The following SCO1 variants were observed in gnomAD, a reference collection of about 807,000 sequenced individuals.
SCO1 encodes cytochrome c oxidase assembly factor SCO1.
In SCO1, 23 loss-of-function variants were observed where a neutral mutation model predicts 34.0. The observed-to-expected ratio is 0.68, with a 90% CI of 0.49 to 0.96. The LOEUF (loss-of-function observed/expected upper bound fraction) is 0.96, where lower values mean the gene tolerates loss of function less well. Among genes scored for constraint, SCO1 ranks in the 40% least tolerant of loss-of-function variants. The pLI is 0.00. For synonymous variants in SCO1, 161 were observed against 145.5 expected (o/e 1.11, Z -0.77); for missense variants, 404 against 381.6 (o/e 1.06, Z -0.49).
At chr17:10,681,317 T>A (rs1000940988) in intron 5 of SCO1, 64 bp from the exon 6 acceptor site, 4 of 1,537,040 alleles carry the variant, frequency 2.6e-6, no homozygotes, top group Non-Finnish European at 3.6e-6. Flanking sequence ...TTTTACTGAA[T>A]GTATGCTGCA....
intron 4 of SCO1, among the ~76,000 whole-genome samples, chr17:10,689,355 C>G (rs2074677368): frequency 6.6e-6 from 1 of 152,062 alleles, no homozygotes; most frequent in African/African-American, 2.4e-5. Flanking sequence ...TACAGCAGAT[C>G]CTTCATAAAA....
In SCO1 at chr17:10,680,211, TG is replaced by T. The variant is rs1169670333; in HGVS notation, c.*907del. The T allele has an allele frequency of 6.6e-6, 1 of 152,376 alleles. No homozygotes were observed. Among genetic ancestry groups the T allele is most frequent in the Non-Finnish European group, 1.5e-5 (1 of 68,168 alleles). 9.4% of individuals were successfully genotyped at this position (152,376 alleles called of 1,614,324 possible). On this transcript the variant is annotated 3_prime_UTR_variant, in exon 6 of 6. Transcript: ENST00000255390. Reference sequence around the variant, plus strand: ...GATTCAGTGAATTCAGCTCTGGGTCTGGGGAACTGCACTTCAGCAAGCGTCC... The same window carrying T: ...GATTCAGTGAATTCAGCTCTGGGTCTGGGAACTGCACTTCAGCAAGCGTCC...
chr17:10,696,585 G>A (rs2151458916), intron 1 of SCO1, among the ~76,000 whole-genome samples: 1 of 152,280 alleles, frequency 6.6e-6, no homozygotes. Flanking sequence ...AAGTAGAAGA[G>A]GAATCTAAAA....
chr17:10,683,043 A>T (rs528215285), intron 5 of SCO1, among the ~76,000 whole-genome samples: 3 of 152,200 alleles, frequency 2.0e-5, no homozygotes, highest in Non-Finnish European at 4.4e-5. Context: ...TTATTTTTTG[A>T]AAAGGTAATA....
At chr17:10,696,071 TAAAAAAAAAAA>T (rs869243005) in intron 1 of SCO1, among the ~76,000 whole-genome samples, 2 of 72,996 alleles carry the variant, frequency 2.7e-5, no homozygotes, top group African/African-American at 1.1e-4. Context: ...TTCATGTAAA[TAAAAAAAAAAA>T]AAAAAAAAAA....
chr17:10,696,963 T>TTC (rs1777304938), intron 1 of SCO1, among the ~76,000 whole-genome samples: 1 of 151,976 alleles, frequency 6.6e-6, no homozygotes, highest in Admixed American at 6.5e-5. Flanking sequence ...TTTTTTTTTT[T>TTC]TTTTTGATGG....
intron 1 of SCO1, among the ~76,000 whole-genome samples, chr17:10,696,929 C>T (rs910657926): frequency 2.0e-5 from 3 of 151,594 alleles, no homozygotes; most frequent in African/African-American, 4.9e-5. Context: ...TAGGTTCATA[C>T]CCTTAAGAAA....
Position 10,697,484 on chromosome 17 carries a change from G to A in SCO1, c.24C>T (p.Pro8=), listed in dbSNP as rs1270954808. The change falls in exon 1 of 6, where the codon CCC becomes CCT. Residue 8 remains proline (P), a synonymous_variant. Coordinates refer to ENST00000255390, the MANE Select transcript of SCO1 (RefSeq NM_004589.4). The part of the protein sequence containing the change: MAMLVLV[P]GRVMRPLGGQ... ...CACCCAGAGGCCGCATAACTCGTCC[G>A]GGTACTAGGACCAGCATCGCCATGA... 3.7e-6 allele frequency: 6 copies of A among 1,613,336 alleles called. No individual in the cohort carries two copies. In the African/African-American group the frequency reaches 4.0e-5, roughly 11 times the overall value.
At position 10,697,508 on chromosome 17, in the gene SCO1, G is replaced by A. The variant is rs775416234; in HGVS notation, c.-1C>T. ...CGGGTACTAGGACCAGCATCGCCAT[G>A]AGCCTCGGAGACCGGGTCTCCTTTG... On this transcript the variant is annotated 5_prime_UTR_variant, in exon 1 of 6. Transcript: ENST00000255390. The A allele has an allele frequency of 3.7e-6, 6 of 1,613,246 alleles. No individual in the cohort carries two copies. Among genetic ancestry groups the A allele is most frequent in the Middle Eastern group, 1.6e-4 (1 of 6,062 alleles).
rs760087568 is a variant in SCO1 at position 10,697,303 on chromosome 17, T to G, written c.205A>C (p.Thr69Pro). ...GYCLGTRPLS[T>P]ARPPPPWSQK... is the part of the protein sequence containing the mutation. ...GACCACGGGGGTGGCGGCCTCGCAGTGCTGAGGGGCCGGGTTCCCAGGCAA... is the reference window on the plus strand; with the variant it reads ...GACCACGGGGGTGGCGGCCTCGCAGGGCTGAGGGGCCGGGTTCCCAGGCAA... The change falls in exon 1 of 6, where the codon ACT (threonine) becomes CCT (proline). Residue 69 changes from threonine (T) to proline (P), a missense_variant. By Grantham distance (38) the Thr-to-Pro change is conservative. Transcript: ENST00000255390. The G allele has an allele frequency of 2.2e-5, 34 of 1,567,310 alleles. No individual in the cohort carries two copies. Among genetic ancestry groups the G allele is most frequent in the Non-Finnish European group, 2.9e-5 (33 of 1,156,930 alleles).
chr17:10,674,512 AC>A lies in SCO1; in HGVS notation c.*6606del. The A allele has an allele frequency of 4.1e-6, 1 of 241,306 alleles. No individual in the cohort carries two copies. Among genetic ancestry groups the A allele is most frequent in the South Asian group, 4.3e-5 (1 of 23,342 alleles). 14.9% of individuals were successfully genotyped at this position (241,306 alleles called of 1,614,324 possible). The stretch of plus-strand genomic sequence containing the variant: ...CTGAGAAGCTGCATTTCTGCTAAGT[AC>A]CCCAGTGGTGTGACACTGCCGGACC... On this transcript the variant is annotated 3_prime_UTR_variant, in exon 6 of 6. Transcript: ENST00000255390.
chr17:10,693,000 T>A (rs199919833), intron 2 of SCO1, 39 bp from the exon 3 acceptor site: 1 of 1,572,718 alleles, frequency 6.4e-7, no homozygotes, highest in African/African-American at 1.4e-5. Flanking sequence ...AAAAAAAAAG[T>A]CAATTTAACC....
At chr17:10,693,026 C>A (rs998426868) in intron 2 of SCO1, 65 bp from the exon 3 acceptor site, 1 of 1,370,796 alleles carries the variant, frequency 7.3e-7, no homozygotes, top group South Asian at 1.2e-5. Context: ...TACTCAAATA[C>A]CTGACATATG....
chr17:10,696,814 C>CTTT (rs1195652144), intron 1 of SCO1, among the ~76,000 whole-genome samples: 1 of 152,190 alleles, frequency 6.6e-6, no homozygotes, highest in African/African-American at 2.4e-5. Context: ...CCACACATAA[C>CTTT]TAAGTTCCAC....
At position 10,697,391 on chromosome 17, in the gene SCO1, G is replaced by A. The variant is rs775861107; in HGVS notation, c.117C>T (p.Val39=). Residue 39 remains valine, a synonymous_variant, in exon 1 of 6, where the codon GTC becomes GTT. Transcript: ENST00000255390. ...GCCGCGCGCAGAACTGCCTCAGCAA[G>A]ACTCTCGCAGTCCCCTCGGCTGGGC... The part of the protein sequence containing the change: ...FWGPAEGTAR[V]LLRQFCARQA... The A allele has an allele frequency of 2.5e-6, 4 of 1,603,978 alleles. No homozygotes were observed. The highest frequency in any genetic ancestry group is 2.6e-6 in the Non-Finnish European group (3 of 1,175,322).
rs2074598875 is a variant in SCO1, at chr17:10,678,741, G to C, written c.*2378C>G. On this transcript the variant is annotated 3_prime_UTR_variant, in exon 6 of 6. Coordinates refer to ENST00000255390, the MANE Select transcript of SCO1 (RefSeq NM_004589.4). Reference sequence around the variant, plus strand: ...CTAAATCTTGCAGTTGTTTATTAAGGAACAGGCTATTGTATTAGCTTGCTA... The same window carrying C: ...CTAAATCTTGCAGTTGTTTATTAAGCAACAGGCTATTGTATTAGCTTGCTA... The C allele has an allele frequency of 6.6e-6, 1 of 152,142 alleles. No homozygotes were observed. Among genetic ancestry groups the C allele is most frequent in the Non-Finnish European group, 1.5e-5 (1 of 68,028 alleles). The allele number at this position is 152,142 out of a possible 1,614,324, so 9.4% of individuals were successfully genotyped here.
Position 10,676,698 on chromosome 17 carries a change from C to T in SCO1, c.*4421G>A, listed in dbSNP as rs1414356127. The T allele has an allele frequency of 6.6e-6, 1 of 152,180 alleles. No homozygotes were observed. Among genetic ancestry groups the T allele is most frequent in the Admixed American group, 6.5e-5 (1 of 15,268 alleles). 9.4% of individuals were successfully genotyped at this position (152,180 alleles called of 1,614,324 possible). ...CTTATGAGGGGGACATTAGCATCCTCATGTTGAAGATTGAAAGGAAATACC... is the reference window on the plus strand; with the variant it reads ...CTTATGAGGGGGACATTAGCATCCTTATGTTGAAGATTGAAAGGAAATACC... On this transcript the variant is annotated 3_prime_UTR_variant, in exon 6 of 6. Transcript: ENST00000255390.
chr17:10,692,817 G>A lies in SCO1; in HGVS notation c.509C>T (p.Pro170Leu). ...TTCTAGTTCTTCTGGACAGACATCA[G>A]GGCAATGAGTGAAGCCAAAATAAAT... ...LLIYFGFTHC[P>L]DVCPEELEKM... The change falls in exon 3 of 6, where the codon CCT becomes CTT. Residue 170 changes from proline (P) to leucine (L), a missense_variant. Transcript: ENST00000255390. 6.2e-7 allele frequency: 1 copy of A among 1,614,126 alleles called. No homozygotes were observed.
chr17:10,673,569 C>G lies in SCO1; in HGVS notation c.*7550G>C, dbSNP rs1243086397. On this transcript the variant is annotated 3_prime_UTR_variant, in exon 6 of 6. Coordinates refer to ENST00000255390, the MANE Select transcript of SCO1 (RefSeq NM_004589.4). Reference sequence around the variant, plus strand: ...CACTTTCTTCTGTAACTAAGACGGCCTTAGCAGAGCCTGGGCTGACAGGGA... The same window carrying G: ...CACTTTCTTCTGTAACTAAGACGGCGTTAGCAGAGCCTGGGCTGACAGGGA... 6.6e-6 allele frequency: 1 copy of G among 152,280 alleles called. No individual in the cohort carries two copies. The highest frequency in any genetic ancestry group is 2.4e-5 in the African/African-American group (1 of 41,440). The allele number at this position is 152,280 out of a possible 1,614,324, so 9.4% of individuals were successfully genotyped here. A position where few individuals can be genotyped will look rare whatever the true frequency, so the allele number is the denominator to read the frequency against.
Sources: gnomAD v4.1 joint callset for allele counts (sites outside exome capture counted in the v4.1 genomes callset) on GRCh38, gnomAD v4.1.1 for gene constraint, MANE v1.5 for transcripts, NCBI Gene and HGNC (gene_info 2026-07-23, HGNC 2026-07-21) for gene names.